MAGI2: variants seen among roughly 807,000 people sequenced by gnomAD.
The protein encoded by MAGI2 is membrane associated guanylate kinase, WW and PDZ domain containing 2.
In MAGI2, 35 loss-of-function variants were observed where a neutral mutation model predicts 133.3. The ratio of observed to expected loss-of-function variants is 0.26; its 90% CI spans 0.20 to 0.35. MAGI2 has a LOEUF of 0.35. MAGI2 is among the 10% of genes least tolerant of loss of function. The pLI is 1.00. For missense variants in MAGI2, 1,636 were observed against 1,863.4 expected, an observed-to-expected ratio of 0.88 and a Z score of 2.25; for synonymous variants, 729 against 710.6, an observed-to-expected ratio of 1.03 and a Z score of -0.41.
chr7:78,541,638 CTA>C (rs1382641769), intron 3 of MAGI2, among the ~76,000 whole-genome samples: 1 of 152,136 alleles, frequency 6.6e-6, no homozygotes, highest in Non-Finnish European at 1.5e-5. Flanking sequence ...ACCTGGGAGC[CTA>C]TGAGAAATGC....
intron 1 of MAGI2, among the ~76,000 whole-genome samples, chr7:79,007,852 C>A (rs954527326): frequency 6.6e-6 from 1 of 151,682 alleles, no homozygotes; most frequent in Non-Finnish European, 1.5e-5. Flanking sequence ...TGTAGTATAT[C>A]TACAAATGTT....
intron 1 of MAGI2, among the ~76,000 whole-genome samples, chr7:79,186,643 C>CAT (rs1306658303): frequency 7.9e-6 from 1 of 125,972 alleles, no homozygotes; most frequent in African/African-American, 4.4e-5. Flanking sequence ...CGTATAAGTG[C>CAT]ATATATATAA....
chr7:78,856,675 T>G (rs1793666599), intron 2 of MAGI2, among the ~76,000 whole-genome samples: 1 of 152,208 alleles, frequency 6.6e-6, no homozygotes, highest in Non-Finnish European at 1.5e-5. Context: ...TAGTTTGAAT[T>G]CAGGTAGCAT....
intron 4 of MAGI2, among the ~76,000 whole-genome samples, chr7:78,516,910 A>G (rs1033371221): frequency 3.9e-5 from 6 of 152,324 alleles, no homozygotes; most frequent in Middle Eastern, 6.8e-3. Flanking sequence ...TGAAAAGTAG[A>G]ATTACAGAAA....
chr7:78,557,276 C>G (rs1417901528), intron 3 of MAGI2, among the ~76,000 whole-genome samples: 2 of 151,986 alleles, frequency 1.3e-5, no homozygotes, highest in African/African-American at 4.8e-5. Context: ...AGTTATATTT[C>G]CATATGTACT....
intron 3 of MAGI2, among the ~76,000 whole-genome samples, chr7:78,622,691 T>C (rs1353448961): frequency 6.6e-6 from 1 of 152,068 alleles, no homozygotes; most frequent in African/African-American, 2.4e-5. Context: ...CAGCAATTTT[T>C]ATTGGGTGAA....
rs769678686 is a variant in MAGI2 at position 78,127,297 on chromosome 7, T to C, written c.3323A>G (p.Gln1108Arg). The change falls in exon 19 of 22, where the codon CAG becomes CGG. Residue 1108 changes from glutamine (Q) to arginine (R), a missense_variant. Physicochemically the swap from Gln to Arg is conservative, Grantham distance 43. Transcript: ENST00000354212. ...CTGCCTGTAGTCCAAGGGTGGGGGC[T>C]GCTGGTAGTCCCCTCCTGGGGGTTG... ...YRQPPGGDYQ[Q>R]PPPLDYRQPP... 1 of 1,608,054 alleles carries C rather than the reference T, an allele frequency of 6.2e-7. No individual in the cohort carries two copies. Among genetic ancestry groups the C allele is most frequent in the South Asian group, 1.1e-5 (1 of 90,794 alleles).
intron 2 of MAGI2, among the ~76,000 whole-genome samples, chr7:78,657,962 A>G (rs772184367): frequency 1.3e-5 from 2 of 152,002 alleles, no homozygotes; most frequent in Non-Finnish European, 2.9e-5. Flanking sequence ...ACCTAAAACT[A>G]CTCTAAAAAT....
intron 2 of MAGI2, among the ~76,000 whole-genome samples, chr7:78,649,222 T>TAAAAAAAA (rs1361378575): frequency 2.0e-4 from 9 of 45,044 alleles, no homozygotes; most frequent in African/African-American, 7.1e-4. Flanking sequence ...TGACTTGTGG[T>TAAAAAAAA]AAAAAAAAAA....
At chr7:78,812,685 A>G (rs1305123347) in intron 2 of MAGI2, among the ~76,000 whole-genome samples, 1 of 152,124 alleles carries the variant, frequency 6.6e-6, no homozygotes, top group Non-Finnish European at 1.5e-5. Flanking sequence ...GATGCTTTCA[A>G]TATAGTGATT....
intron 6 of MAGI2, among the ~76,000 whole-genome samples, chr7:78,461,080 G>GT (rs1192319740): frequency 3.3e-5 from 5 of 151,680 alleles, no homozygotes; most frequent in East Asian, 1.9e-4. Context: ...CCCCCATTGA[G>GT]TTTTTTTTAA....
At chr7:79,063,495 C>A (rs1813983258) in intron 1 of MAGI2, among the ~76,000 whole-genome samples, 1 of 152,024 alleles carries the variant, frequency 6.6e-6, no homozygotes, top group African/African-American at 2.4e-5. Flanking sequence ...CCTAACACCC[C>A]TAGTGGCCAG....
At chr7:78,717,733 T>G (rs1003823827) in intron 2 of MAGI2, among the ~76,000 whole-genome samples, 2 of 152,206 alleles carry the variant, frequency 1.3e-5, no homozygotes, top group African/African-American at 4.8e-5. Flanking sequence ...ATTATTATTT[T>G]CATTGTACAA....
At chr7:78,544,190 T>A (rs1798630551) in intron 3 of MAGI2, among the ~76,000 whole-genome samples, 1 of 152,226 alleles carries the variant, frequency 6.6e-6, no homozygotes, top group Non-Finnish European at 1.5e-5. Flanking sequence ...TGGTAGTGAC[T>A]ACAAGTTATT....
At chr7:78,220,109 C>G (rs2150835460) in intron 10 of MAGI2, among the ~76,000 whole-genome samples, 1 of 152,196 alleles carries the variant, frequency 6.6e-6, no homozygotes, top group East Asian at 1.9e-4. Context: ...AAAGTTCCAC[C>G]TCAGAGCCCT....
intron 1 of MAGI2, among the ~76,000 whole-genome samples, chr7:79,380,597 G>A (rs1436280195): frequency 6.6e-6 from 1 of 151,750 alleles, no homozygotes; most frequent in Non-Finnish European, 1.5e-5. Flanking sequence ...AGCTGAATTT[G>A]AAGCCTAGTT....
chr7:78,377,432 T>A (rs1562911959), intron 6 of MAGI2, among the ~76,000 whole-genome samples: 1 of 151,898 alleles, frequency 6.6e-6, no homozygotes. Flanking sequence ...CCTGCTTGAT[T>A]AGAACACAAG....
chr7:78,818,277 G>C (rs1789784329), intron 2 of MAGI2, among the ~76,000 whole-genome samples: 1 of 152,104 alleles, frequency 6.6e-6, no homozygotes, highest in Non-Finnish European at 1.5e-5. Flanking sequence ...TTTTGTTTTA[G>C]AGACTGAATT....
chr7:79,012,150 C>T (rs1043658440), intron 1 of MAGI2: 1 of 152,194 alleles, frequency 6.6e-6, no homozygotes, highest in African/African-American at 2.4e-5. Flanking sequence ...GAAAGCGACA[C>T]TCTGAAGAAA....
Sources: gnomAD v4.1 joint callset for allele counts (sites outside exome capture counted in the v4.1 genomes callset) on GRCh38, gnomAD v4.1.1 for gene constraint, MANE v1.5 for transcripts, NCBI Gene and HGNC (gene_info 2026-07-23, HGNC 2026-07-21) for gene names.